BABAM1: variants seen among roughly 807,000 people sequenced by gnomAD.
BABAM1 encodes BRISC and BRCA1 A complex member 1, also known as BRISC and BRCA1-A complex member 1.
Under a neutral mutation model 34.4 loss-of-function variants are expected in BABAM1, and 14 were observed. The ratio of observed to expected loss-of-function variants is 0.41; its 90% CI spans 0.27 to 0.64. The LOEUF (loss-of-function observed/expected upper bound fraction) is 0.64, where lower values mean the gene tolerates loss of function less well. BABAM1 is among the 30% of genes least tolerant of loss of function. The probability of loss-of-function intolerance (pLI) is 0.34; values close to 1 mark genes in which losing one functional copy is unlikely to be tolerated. For missense variants in BABAM1, 393 were observed against 434.0 expected (o/e 0.91, Z 0.84); for synonymous variants, 169 against 165.8 (o/e 1.02, Z -0.15).
chr19:17,273,756 G>A (rs1377070947), intron 3 of BABAM1, 148 bp from the exon 4 acceptor site: 1 of 1,063,082 alleles, frequency 9.4e-7, no homozygotes. Context: ...GTAGAGATGG[G>A]GTTTCACCAT....
At chr19:17,268,103 A>C (rs891360826) in intron 1 of BABAM1, among the ~76,000 whole-genome samples, 1 of 151,782 alleles carries the variant, frequency 6.6e-6, no homozygotes, top group Admixed American at 6.6e-5. Flanking sequence ...CTCTAATGAG[A>C]GTCTCTTTTC....
intron 2 of BABAM1, among the ~76,000 whole-genome samples, chr19:17,269,872 C>T (rs1467834590): frequency 3.3e-5 from 5 of 151,536 alleles, no homozygotes; most frequent in Non-Finnish European, 5.9e-5. Flanking sequence ...TACAGGCGCC[C>T]GCCACCATGC....
At chr19:17,268,731 A>C in intron 1 of BABAM1, 63 bp from the exon 2 acceptor site, 4 of 1,470,918 alleles carry the variant, frequency 2.7e-6, no homozygotes, top group Non-Finnish European at 3.6e-6. Context: ...GCCCGACCGT[A>C]ACCAAATGTT....
intron 1 of BABAM1, chr19:17,268,484 G>T: frequency 5.4e-6 from 1 of 185,588 alleles, no homozygotes; most frequent in Non-Finnish European, 1.1e-5. Flanking sequence ...AGGATGGAGT[G>T]CAGTGGCGGG....
intron 1 of BABAM1, chr19:17,268,552 C>T: frequency 2.8e-6 from 1 of 354,326 alleles, no homozygotes; most frequent in Non-Finnish European, 5.2e-6. Flanking sequence ...GCCTCAGCCT[C>T]CCGAGTAGCT....
rs778854556 is a variant in BABAM1, at chr19:17,279,217, G to A, written c.*169G>A. Reference sequence around the variant, plus strand: ...CCCAGGATTCCAGGAGGGATCCCAGGAACTGTGGGCACCCATTTTCTGTGT... The same window carrying A: ...CCCAGGATTCCAGGAGGGATCCCAGAAACTGTGGGCACCCATTTTCTGTGT... On this transcript the variant is annotated 3_prime_UTR_variant, in exon 9 of 9. Coordinates refer to ENST00000598188, the MANE Select transcript of BABAM1 (RefSeq NM_014173.4). 357 of 613,536 alleles carry A rather than the reference G, an allele frequency of 5.8e-4. 2 individuals are homozygous for A. The highest frequency in any genetic ancestry group is 8.0e-4 in the Non-Finnish European group (297 of 370,084). The allele number at this position is 613,536 out of a possible 1,614,324, so 38.0% of individuals were successfully genotyped here.
rs746537560 is a variant in BABAM1, at chr19:17,276,594, G to A, written c.669G>A (p.Gln223=). Residue 223 remains glutamine, a synonymous_variant, in exon 7 of 9, where the codon CAG becomes CAA. Transcript: ENST00000598188. The stretch of plus-strand genomic sequence containing the variant: ...TTGTCTACAGCCGTCCACCTTGCCA[G>A]CCCCAGTTCTCCTTGACGGAGCCCA... ...TILVYSRPPC[Q]PQFSLTEPMK... is the part of the protein sequence containing the mutation. 3.1e-6 allele frequency: 5 copies of A among 1,606,630 alleles called. No individual in the cohort carries two copies. In the Admixed American group the frequency reaches 8.5e-5, roughly 27 times the overall value.
chr19:17,275,714 G>A (rs576544506), intron 5 of BABAM1, 87 bp from the exon 6 acceptor site: 47 of 1,562,622 alleles, frequency 3.0e-5, no homozygotes, highest in African/African-American at 5.4e-5. Context: ...TAGGGGTGCC[G>A]GGTCTCCTCT....
At chr19:17,276,975 A>G in intron 8 of BABAM1, 66 bp downstream of exon 8, 1 of 1,445,362 alleles carries the variant, frequency 6.9e-7, no homozygotes, top group Non-Finnish European at 9.5e-7. Flanking sequence ...ACACACCTGC[A>G]CTGGGTCTGG....
intron 8 of BABAM1, chr19:17,277,633 CTACT>C (rs1281043544): frequency 6.6e-6 from 1 of 152,278 alleles, no homozygotes; most frequent in Non-Finnish European, 1.5e-5. Context: ...CTCGAGTGGA[CTACT>C]TACTTCTCTG....
At chr19:17,274,289 G>T in intron 5 of BABAM1, 104 bp downstream of exon 5, 1 of 1,406,194 alleles carries the variant, frequency 7.1e-7, no homozygotes, top group Non-Finnish European at 9.9e-7. Flanking sequence ...CTGAGGTTCA[G>T]ATCTCAGATC....
intron 7 of BABAM1, 98 bp from the exon 8 acceptor site, chr19:17,276,725 T>G (rs1599499908): frequency 6.4e-7 from 1 of 1,554,906 alleles, no homozygotes; most frequent in Non-Finnish European, 8.7e-7. Context: ...TGCCTAGAGG[T>G]AAGTTCCCAG....
intron 1 of BABAM1, among the ~76,000 whole-genome samples, chr19:17,267,867 A>T (rs2073787270): frequency 6.6e-6 from 1 of 152,120 alleles, no homozygotes. Context: ...AGAGGTTATT[A>T]TTCCCTTATT....
intron 8 of BABAM1, among the ~76,000 whole-genome samples, chr19:17,278,236 CCT>C (rs964389214): frequency 1.1e-4 from 17 of 152,012 alleles, no homozygotes; most frequent in Non-Finnish European, 2.2e-4. Context: ...AGAAGCCCTC[CCT>C]GTTTTTCAAG....
Position 17,279,141 on chromosome 19 carries a change from G to T in BABAM1, c.*93G>T, listed in dbSNP as rs560264541. 1.2e-5 allele frequency: 17 copies of T among 1,389,292 alleles called. No individual in the cohort carries two copies. The African/African-American group carries it at 2.3e-4, about 19-fold the overall frequency. 86.1% of individuals were successfully genotyped at this position (1,389,292 alleles called of 1,614,324 possible). On this transcript the variant is annotated 3_prime_UTR_variant, in exon 9 of 9. Transcript: ENST00000598188. Reference sequence around the variant, plus strand: ...TGGGTTCCTTGGGACCTCCGGGGTGGGGGGGTTCCAGGAGGCACGTAGGGT... The same window carrying T: ...TGGGTTCCTTGGGACCTCCGGGGTGTGGGGGTTCCAGGAGGCACGTAGGGT...
In BABAM1 at chr19:17,276,514, C is replaced by T; in HGVS notation, c.589C>T (p.Pro197Ser). Residue 197 changes from proline to serine, a missense_variant, in exon 7 of 9, where the codon CCG becomes TCG. Pro to Ser is a moderately conservative substitution (Grantham distance 74). Transcript: ENST00000598188. ...FSLIQQKTEL[P>S]VTENVQTIPP... Reference sequence around the variant, plus strand: ...ATGCAGCCAGCAGAAAACTGAGCTTCCGGTCACAGAGAACGTGCAGACGAT... The same window carrying T: ...ATGCAGCCAGCAGAAAACTGAGCTTTCGGTCACAGAGAACGTGCAGACGAT... 1 of 1,594,460 alleles carries T rather than the reference C, an allele frequency of 6.3e-7. No homozygotes were observed. Among genetic ancestry groups the T allele is most frequent in the Non-Finnish European group, 8.5e-7 (1 of 1,170,992 alleles).
At chr19:17,270,901 AG>A (rs2073833228) in intron 2 of BABAM1, among the ~76,000 whole-genome samples, 1 of 151,316 alleles carries the variant, frequency 6.6e-6, no homozygotes, top group African/African-American at 2.4e-5. Context: ...CCTGTTAGCC[AG>A]GATGGTCTCG....
At chr19:17,275,680 G>T (rs1342282653) in intron 5 of BABAM1, 121 bp from the exon 6 acceptor site, 2 of 1,262,720 alleles carry the variant, frequency 1.6e-6, no homozygotes, top group East Asian at 4.7e-5. Flanking sequence ...CAAGTGACTT[G>T]GCCAGGGTCA....
rs754910420 is a variant in BABAM1, at chr19:17,276,955, AT to A, written c.786+47del. The A allele has an allele frequency of 7.7e-5, 116 of 1,514,522 alleles. No individual in the cohort carries two copies. The African/African-American group carries it at 1.5e-3, about 20-fold the overall frequency. The allele number at this position is 1,514,522 out of a possible 1,614,324, so 93.8% of individuals were successfully genotyped here. A position where few individuals can be genotyped will look rare whatever the true frequency, so the allele number is the denominator to read the frequency against. On this transcript the variant is annotated intron_variant, in intron 8 of 8. Coordinates refer to ENST00000598188, the MANE Select transcript of BABAM1 (RefSeq NM_014173.4). ...TGAGTAGCAGGCGGGTGTGGACAGG[AT>A]GTCTTGGAACACACCTGCACTGGGT...
Sources: gnomAD v4.1 joint callset for allele counts (sites outside exome capture counted in the v4.1 genomes callset) on GRCh38, gnomAD v4.1.1 for gene constraint, MANE v1.5 for transcripts, NCBI Gene and HGNC (gene_info 2026-07-23, HGNC 2026-07-21) for gene names.